The following PCDHGA4 variants were observed in gnomAD, a reference collection of about 807,000 sequenced individuals.
PCDHGA4 encodes protocadherin gamma subfamily A, 4, also known as protocadherin gamma-A4.
PCDHGA4 carries 38 observed loss-of-function variants against 54.6 expected under a neutral mutation model. The observed-to-expected ratio is 0.70, with a 90% CI of 0.54 to 0.91. The LOEUF (loss-of-function observed/expected upper bound fraction) is 0.91, where lower values mean the gene tolerates loss of function less well. Among genes scored for constraint, PCDHGA4 ranks in the 40% least tolerant of loss-of-function variants. PCDHGA4 has a pLI of 0.00. For synonymous variants in PCDHGA4, 511 were observed against 512.9 expected, an observed-to-expected ratio of 1.00 and a Z score of 0.05; for missense variants, 1,298 against 1,220.9, an observed-to-expected ratio of 1.06 and a Z score of -0.94.
chr5:141,460,537 C>T (rs2098991642), intron 1 of PCDHGA4, among the ~76,000 whole-genome samples: 1 of 152,062 alleles, frequency 6.6e-6, no homozygotes, highest in African/African-American at 2.4e-5. Context: ...ATAATCTTAG[C>T]ACCTTAATCA....
intron 1 of PCDHGA4, chr5:141,390,085 A>C (rs1253804368): frequency 2.5e-6 from 4 of 1,613,916 alleles, no homozygotes. Flanking sequence ...GTTAAATCCG[A>C]ATCCGTGGTT....
rs1335438500 is a variant in PCDHGA4 at position 141,355,543 on chromosome 5, A to T, written c.436A>T (p.Lys146Ter). Residue 146 changes from lysine (K) to a stop codon, truncating the protein, a stop_gained, in exon 1 of 4, where the codon AAG (lysine) becomes TAG (stop). Coordinates refer to ENST00000571252, the MANE Select transcript of PCDHGA4 (RefSeq NM_018917.4). LOFTEE classifies it high-confidence loss of function. Reference protein sequence around the residue: ...NLEILLEDTVKILRVEVEIID... With the variant: ...NLEILLEDTV ...GGAGATTCTTCTAGAAGATACAGTG[A>T]AGATTTTGCGGGTAGAGGTGGAAAT... is the stretch of plus-strand genomic sequence containing the variant. 5 of 1,613,942 alleles carry T rather than the reference A, an allele frequency of 3.1e-6. No individual in the cohort carries two copies. The East Asian group carries it at 6.7e-5, about 22-fold the overall frequency.
chr5:141,369,608 T>G (rs1266511682), intron 1 of PCDHGA4, among the ~76,000 whole-genome samples: 1 of 152,214 alleles, frequency 6.6e-6, no homozygotes, highest in Non-Finnish European at 1.5e-5. Flanking sequence ...TTTTATAAGG[T>G]CAATCATTTC....
At chr5:141,453,087 T>G (rs2098755775) in intron 1 of PCDHGA4, among the ~76,000 whole-genome samples, 1 of 152,150 alleles carries the variant, frequency 6.6e-6, no homozygotes, top group Non-Finnish European at 1.5e-5. Context: ...TTGATTAGTA[T>G]ATTTTCTGTT....
Position 141,376,431 on chromosome 5 carries a change from A to T in PCDHGA4, c.2514+18810A>T, listed in dbSNP as rs372723180. On this transcript the variant is annotated intron_variant, in intron 1 of 3. Coordinates refer to ENST00000571252, the MANE Select transcript of PCDHGA4 (RefSeq NM_018917.4). ...TATGCCGACACGCTTATCAACCAGG[A>T]GAGCTATGAGAAAAGCGAGCCTCTT... The T allele has an allele frequency of 9.0e-5, 145 of 1,614,074 alleles. No homozygotes were observed. The highest frequency in any genetic ancestry group is 1.2e-4 in the Non-Finnish European group (143 of 1,180,046).
At chr5:141,423,167 T>C in intron 1 of PCDHGA4, 1 of 1,613,424 alleles carries the variant, frequency 6.2e-7, no homozygotes, top group Non-Finnish European at 8.5e-7. Context: ...GTGGTGGCCG[T>C]CCAGGACCAC....
chr5:141,471,646 G>C (rs935284198), intron 1 of PCDHGA4: 1 of 152,108 alleles, frequency 6.6e-6, no homozygotes, highest in Non-Finnish European at 1.5e-5. Flanking sequence ...GTAATATACT[G>C]GATGTGGGGA....
intron 3 of PCDHGA4, among the ~76,000 whole-genome samples, chr5:141,508,629 T>C (rs934648689): frequency 6.6e-6 from 1 of 152,054 alleles, no homozygotes; most frequent in Non-Finnish European, 1.5e-5. Context: ...GGGCCGAGCT[T>C]CTAGCTACTC....
At chr5:141,359,855 TAAAA>T (rs1343900120) in intron 1 of PCDHGA4, among the ~76,000 whole-genome samples, 2 of 151,960 alleles carry the variant, frequency 1.3e-5, no homozygotes, top group Non-Finnish European at 2.9e-5. Context: ...CTTTATAAAT[TAAAA>T]AAGAAAAGAA....
At chr5:141,509,032 A>G (rs2099873869) in intron 3 of PCDHGA4, among the ~76,000 whole-genome samples, 1 of 151,488 alleles carries the variant, frequency 6.6e-6, no homozygotes, top group African/African-American at 2.4e-5. Flanking sequence ...CTCCCACTCA[A>G]CCCCTCTCCC....
chr5:141,393,500 C>T lies in PCDHGA4; in HGVS notation c.2514+35879C>T, dbSNP rs747121608. 6.2e-6 allele frequency: 10 copies of T among 1,613,922 alleles called. No homozygotes were observed. In the African/African-American group the frequency reaches 6.7e-5, roughly 11 times the overall value. On this transcript the variant is annotated intron_variant, in intron 1 of 3. Coordinates refer to ENST00000571252, the MANE Select transcript of PCDHGA4 (RefSeq NM_018917.4). The stretch of plus-strand genomic sequence containing the variant: ...CTCGCTCTAGCACAGTGCGCATCCA[C>T]GTGACAGTGTTGGATACAAATGACA...
rs140459920 is a variant in PCDHGA4, at chr5:141,386,998, C to T, written c.2514+29377C>T. ...TGTGTTTTGAGGCTATGTATTATCCCCCTGATAACTTTGAAGATGAATGTT... is the reference window on the plus strand; with the variant it reads ...TGTGTTTTGAGGCTATGTATTATCCTCCTGATAACTTTGAAGATGAATGTT... On this transcript the variant is annotated intron_variant, in intron 1 of 3. Coordinates refer to ENST00000571252, the MANE Select transcript of PCDHGA4 (RefSeq NM_018917.4). Among the ~76,000 whole-genome samples, 1,144 of 152,176 alleles carry T rather than the reference C, an allele frequency of 7.5e-3. 3 individuals are homozygous for T. The highest frequency in any genetic ancestry group is 0.012 in the Non-Finnish European group (791 of 68,006).
chr5:141,505,960 G>A (rs2099849410), intron 3 of PCDHGA4, among the ~76,000 whole-genome samples: 1 of 152,202 alleles, frequency 6.6e-6, no homozygotes, highest in Non-Finnish European at 1.5e-5. Context: ...AGTGGGTGTA[G>A]AAATCCCCAG....
chr5:141,371,868 G>T (rs755178809), intron 1 of PCDHGA4: 5 of 1,613,392 alleles, frequency 3.1e-6, no homozygotes, highest in Non-Finnish European at 4.2e-6. Flanking sequence ...CTACTACATC[G>T]TGGCCAGTGA....
chr5:141,439,487 G>A lies in PCDHGA4; in HGVS notation c.2515-55320G>A, dbSNP rs11952418. 8.3e-3 allele frequency among the ~76,000 whole-genome samples: 1,269 copies of A among 152,266 alleles called. 16 individuals are homozygous for A. Among genetic ancestry groups the A allele is most frequent in the African/African-American group, 0.029 (1,205 of 41,540 alleles). Reference sequence around the variant, plus strand: ...GCTGCCTTTCAGCTTGCAAATTCCAGTGAGAAACGTCTTTCTCTCTGCTCT... The same window carrying A: ...GCTGCCTTTCAGCTTGCAAATTCCAATGAGAAACGTCTTTCTCTCTGCTCT... On this transcript the variant is annotated intron_variant, in intron 1 of 3. Coordinates refer to ENST00000571252, the MANE Select transcript of PCDHGA4 (RefSeq NM_018917.4).
chr5:141,381,768 C>T (rs1777418616), intron 1 of PCDHGA4, among the ~76,000 whole-genome samples: 1 of 150,172 alleles, frequency 6.7e-6, no homozygotes, highest in Non-Finnish European at 1.5e-5. Context: ...ACTATATAAT[C>T]AATAATCAGG....
At chr5:141,509,128 A>C (rs995210331) in intron 3 of PCDHGA4, among the ~76,000 whole-genome samples, 8 of 151,958 alleles carry the variant, frequency 5.3e-5, no homozygotes, top group African/African-American at 1.7e-4. Flanking sequence ...TGAAGAGAAA[A>C]ACCGAGGCGC....
chr5:141,388,474 A>G, intron 1 of PCDHGA4: 1 of 1,613,850 alleles, frequency 6.2e-7, no homozygotes, highest in Non-Finnish European at 8.5e-7. Flanking sequence ...ATGGTATTGA[A>G]GACACCTTTG....
chr5:141,381,889 G>A (rs1385598954), intron 1 of PCDHGA4, among the ~76,000 whole-genome samples: 2 of 132,634 alleles, frequency 1.5e-5, no homozygotes, highest in Non-Finnish European at 3.1e-5. Context: ...GAGTGCAATG[G>A]TGTGATCTCG....
Sources: allele counts gnomAD v4.1 joint callset (sites outside exome capture counted in the v4.1 genomes callset), GRCh38; gene constraint gnomAD v4.1.1; transcripts MANE v1.5; gene names NCBI Gene and HGNC (gene_info 2026-07-23, HGNC 2026-07-21).